The following RASAL2 variants were observed in gnomAD, a reference collection of about 807,000 sequenced individuals.
RASAL2 encodes the protein RAS protein activator like 2, also known as ras GTPase-activating protein nGAP.
In RASAL2, 58 loss-of-function variants were observed where a neutral mutation model predicts 128.9. The observed-to-expected ratio is 0.45, with a 90% CI of 0.36 to 0.56. RASAL2 has a LOEUF of 0.56. Ranked by LOEUF, RASAL2 falls within the 20% of genes least tolerant of loss-of-function variation. RASAL2 has a pLI of 0.00. For missense variants in RASAL2, 1,360 were observed against 1,601.6 expected (o/e 0.85, Z 2.57); for synonymous variants, 561 against 580.8 (o/e 0.97, Z 0.49).
chr1:178,123,616 A>G (rs778286982), intron 1 of RASAL2: 1 of 152,210 alleles, frequency 6.6e-6, no homozygotes, highest in Non-Finnish European at 1.5e-5. Flanking sequence ...GGTTTTCTGA[A>G]ATTGATCCTG....
intron 1 of RASAL2, among the ~76,000 whole-genome samples, chr1:178,267,652 T>G (rs1666032343): frequency 6.7e-6 from 1 of 149,796 alleles, no homozygotes; most frequent in Non-Finnish European, 1.5e-5. Context: ...GAGGGAGTCT[T>G]GCTCTGTCGC....
At chr1:178,397,265 AT>A (rs1275414470) in intron 4 of RASAL2, among the ~76,000 whole-genome samples, 3 of 152,252 alleles carry the variant, frequency 2.0e-5, no homozygotes, top group African/African-American at 7.2e-5. Context: ...ACTATGATTT[AT>A]CCATACAATG....
chr1:178,197,851 T>C (rs1000630368), intron 1 of RASAL2, among the ~76,000 whole-genome samples: 1 of 151,866 alleles, frequency 6.6e-6, no homozygotes, highest in Non-Finnish European at 1.5e-5. Context: ...CTTCCCCCAT[T>C]CCCCCACCCA....
chr1:178,166,067 C>G (rs936560653), intron 1 of RASAL2, among the ~76,000 whole-genome samples: 2 of 152,084 alleles, frequency 1.3e-5, no homozygotes, highest in East Asian at 3.8e-4. Context: ...TGTAAGTGTT[C>G]CCTCATCTCA....
chr1:178,166,348 C>T (rs953187784), intron 1 of RASAL2, among the ~76,000 whole-genome samples: 1 of 151,922 alleles, frequency 6.6e-6, no homozygotes, highest in Admixed American at 6.6e-5. Flanking sequence ...CTAAAATCCT[C>T]ATGGAACTAA....
rs1231716252 is a variant in RASAL2 at position 178,473,295 on chromosome 1, G to A, written c.*56G>A. The A allele has an allele frequency of 6.3e-7, 1 of 1,593,568 alleles. No individual in the cohort carries two copies. Among genetic ancestry groups the A allele is most frequent in the African/African-American group, 1.3e-5 (1 of 74,422 alleles). On this transcript the variant is annotated 3_prime_UTR_variant, in exon 18 of 18. Transcript: ENST00000367649. ...AAATTGACCCACTCTCCTATCTCCA[G>A]ACCTTTACCTAGCCCCTCCAGGTTT...
intron 1 of RASAL2, among the ~76,000 whole-genome samples, chr1:178,237,231 T>C (rs1664292154): frequency 6.6e-6 from 1 of 152,154 alleles, no homozygotes; most frequent in South Asian, 2.1e-4. Context: ...CTTATGATTC[T>C]GTGCTCCTCC....
chr1:178,369,474 T>G (rs558037216), intron 3 of RASAL2, among the ~76,000 whole-genome samples: 2 of 152,032 alleles, frequency 1.3e-5, no homozygotes, highest in East Asian at 1.9e-4. Context: ...TCTGCCTGCC[T>G]CAGCCTCCGA....
At chr1:178,301,285 TA>T (rs1667750535) in intron 3 of RASAL2, among the ~76,000 whole-genome samples, 2 of 152,330 alleles carry the variant, frequency 1.3e-5, no homozygotes, top group African/African-American at 4.8e-5. Flanking sequence ...GGTGTGGGCC[TA>T]AATTCTACTA....
intron 12 of RASAL2, among the ~76,000 whole-genome samples, chr1:178,455,978 CT>C (rs1364249977): frequency 1.3e-5 from 2 of 152,204 alleles, no homozygotes; most frequent in East Asian, 3.8e-4. Flanking sequence ...GGATCAAAGT[CT>C]TTTTAACGGG....
intron 8 of RASAL2, among the ~76,000 whole-genome samples, chr1:178,444,962 G>A (rs1052432985): frequency 6.6e-6 from 1 of 152,014 alleles, no homozygotes; most frequent in Admixed American, 6.6e-5. Flanking sequence ...AAAGAGAGAT[G>A]ATACTATGAA....
intron 3 of RASAL2, among the ~76,000 whole-genome samples, chr1:178,356,184 A>AC (rs1270408917): frequency 6.6e-6 from 1 of 151,670 alleles, no homozygotes; most frequent in African/African-American, 2.4e-5. Flanking sequence ...AAAAAAAAAA[A>AC]AAAAACCCAC....
At chr1:178,295,343 C>T (rs1377409043) in intron 2 of RASAL2, among the ~76,000 whole-genome samples, 1 of 151,924 alleles carries the variant, frequency 6.6e-6, no homozygotes. Context: ...CACCTATTGA[C>T]CTGTCCTCTA....
At chr1:178,466,841 A>G (rs1003725909) in intron 16 of RASAL2, among the ~76,000 whole-genome samples, 1 of 152,208 alleles carries the variant, frequency 6.6e-6, no homozygotes, top group Non-Finnish European at 1.5e-5. Flanking sequence ...TGTGGAGGTA[A>G]TTGACAGTCT....
At chr1:178,113,550 GT>G (rs1659417728) in intron 1 of RASAL2, among the ~76,000 whole-genome samples, 2 of 146,406 alleles carry the variant, frequency 1.4e-5, no homozygotes, top group Admixed American at 6.8e-5. Context: ...GTGTGTGTGT[GT>G]GTGTGTGTGT....
chr1:178,430,053 A>G (rs116817994), intron 5 of RASAL2, among the ~76,000 whole-genome samples: 221 of 152,226 alleles, frequency 1.5e-3, no homozygotes, highest in African/African-American at 5.2e-3. Flanking sequence ...CAGCAGATTG[A>G]AAGCTCCTCC....
rs986789340 is a variant in RASAL2, at chr1:178,464,831, G to GTTTTTTTTTTTTTT, written c.3387+431_3387+444dup. Among the ~76,000 whole-genome samples, 24 of 38,202 alleles carry GTTTTTTTTTTTTTT rather than the reference G, an allele frequency of 6.3e-4. 1 individual carries two copies. Among genetic ancestry groups the GTTTTTTTTTTTTTT allele is most frequent in the East Asian group, 2.0e-3 (2 of 998 alleles). The allele number at this position is 38,202 out of a possible 152,430, so 25.1% of individuals were successfully genotyped here. On this transcript the variant is annotated intron_variant, in intron 15 of 17. Coordinates refer to ENST00000367649, the MANE Select transcript of RASAL2 (RefSeq NM_170692.4). ...TAACAATTAGGTTTTGGTTTTAGTT[G>GTTTTTTTTTTTTTT]TTTTTTTTTTTTTTTTTTTTTTTTT...
intron 17 of RASAL2, among the ~76,000 whole-genome samples, chr1:178,469,900 G>A (rs1648103960): frequency 6.6e-6 from 1 of 152,126 alleles, no homozygotes; most frequent in Admixed American, 6.5e-5. Flanking sequence ...GAATAGTTGG[G>A]AGAATCCACT....
chr1:178,154,116 G>A (rs1661001305), intron 1 of RASAL2, among the ~76,000 whole-genome samples: 1 of 151,568 alleles, frequency 6.6e-6, no homozygotes, highest in South Asian at 2.1e-4. Context: ...GATTACAGGT[G>A]TGAGCCATCG....
Sources: allele counts gnomAD v4.1 joint callset (sites outside exome capture counted in the v4.1 genomes callset), GRCh38; gene constraint gnomAD v4.1.1; transcripts MANE v1.5; gene names NCBI Gene and HGNC (gene_info 2026-07-23, HGNC 2026-07-21).